ELP4: variants seen among roughly 807,000 people sequenced by gnomAD.
The protein encoded by ELP4 is elongator complex protein 4.
Under a neutral mutation model 48.9 loss-of-function variants are expected in ELP4, and 51 were observed. The ratio of observed to expected loss-of-function variants is 1.04; its 90% confidence interval spans 0.83 to 1.32. ELP4 has a LOEUF of 1.32. Ranked by LOEUF, ELP4 falls within the 40% of genes most tolerant of loss-of-function variation. ELP4 has a pLI of 0.00. For missense variants in ELP4, 519 were observed against 514.6 expected (o/e 1.01, Z -0.08); for synonymous variants, 210 against 189.2 (o/e 1.11, Z -0.90).
Position 31,785,532 on chromosome 11 carries a change from TATAAA to T in ELP4, c.*2010_*2014del, listed in dbSNP as rs1360933283. ...TGCATATTTGAACCCTTATTTTAAATATAAAAGAAACTTTTCAAACTCAGTAAAAG... is the reference window on the plus strand; with the variant it reads ...TGCATATTTGAACCCTTATTTTAAATAGAAACTTTTCAAACTCAGTAAAAG... On this transcript the variant is annotated 3_prime_UTR_variant, in exon 10 of 10. Transcript: ENST00000640961. 4 of 190,996 alleles carry T rather than the reference TATAAA, an allele frequency of 2.1e-5. No homozygotes were observed. The highest frequency in any genetic ancestry group is 9.3e-5 in the African/African-American group (4 of 43,010). The allele number at this position is 190,996 out of a possible 1,614,324, so 11.8% of individuals were successfully genotyped here.
rs528522313 is a variant in ELP4 at position 31,650,543 on chromosome 11, C to T, written c.1143+322C>T. 24 of 204,856 alleles carry T rather than the reference C, an allele frequency of 1.2e-4. 1 individual carries two copies. The South Asian group carries it at 2.6e-3, about 22-fold the overall frequency. 12.7% of individuals were successfully genotyped at this position (204,856 alleles called of 1,614,324 possible). On this transcript the variant is annotated intron_variant, in intron 9 of 9. Transcript: ENST00000640961. ...TATTTAATTAAGTGTTAATGAGCTG[C>T]GCTTACTTGGGTGTGGAATGTGAAT... is the stretch of plus-strand genomic sequence containing the variant.
At chr11:31,570,721 A>C (rs1439138079) in intron 3 of ELP4, among the ~76,000 whole-genome samples, 4 of 134,840 alleles carry the variant, frequency 3.0e-5, no homozygotes, top group Admixed American at 7.8e-5. Context: ...CAAGTGATCC[A>C]CTCGCCTCGG....
chr11:31,607,601 A>T (rs182387616), intron 5 of ELP4, among the ~76,000 whole-genome samples: 108 of 152,306 alleles, frequency 7.1e-4, no homozygotes, highest in African/African-American at 2.5e-3. Context: ...ATACTATCAC[A>T]TTGACAACAC....
At chr11:31,746,236 T>C (rs1479772433) in intron 9 of ELP4, among the ~76,000 whole-genome samples, 3 of 150,852 alleles carry the variant, frequency 2.0e-5, no homozygotes, top group African/African-American at 7.5e-5. Context: ...AGTCAGGAAA[T>C]AACAGGTGTT....
chr11:31,609,761 A>G (rs1365825439), intron 5 of ELP4, among the ~76,000 whole-genome samples: 1 of 152,154 alleles, frequency 6.6e-6, no homozygotes, highest in Non-Finnish European at 1.5e-5. Context: ...GATTACAAGC[A>G]TGAGTCATGC....
chr11:31,553,934 A>G (rs1007097715), intron 3 of ELP4, among the ~76,000 whole-genome samples: 4 of 152,174 alleles, frequency 2.6e-5, no homozygotes, highest in Non-Finnish European at 5.9e-5. Context: ...GCTGCTCCCC[A>G]TTGCTTGTAT....
At chr11:31,747,285 C>T (rs1947616927) in intron 9 of ELP4, among the ~76,000 whole-genome samples, 1 of 151,984 alleles carries the variant, frequency 6.6e-6, no homozygotes, top group South Asian at 2.1e-4. Context: ...GATCTGGGGC[C>T]AAGTGGAGGC....
At chr11:31,626,319 C>T (rs1944743066) in intron 5 of ELP4, among the ~76,000 whole-genome samples, 3 of 151,764 alleles carry the variant, frequency 2.0e-5, no homozygotes, top group African/African-American at 7.2e-5. Context: ...CAGCATTAGG[C>T]ACTTCAATGT....
chr11:31,721,374 A>C (rs1005787761), intron 9 of ELP4, among the ~76,000 whole-genome samples: 14 of 152,226 alleles, frequency 9.2e-5, no homozygotes, highest in Admixed American at 9.2e-4. Flanking sequence ...CATTAAAAGA[A>C]ACAGAAAATT....
chr11:31,739,901 T>C (rs1947408484), intron 9 of ELP4, among the ~76,000 whole-genome samples: 1 of 152,232 alleles, frequency 6.6e-6, no homozygotes, highest in African/African-American at 2.4e-5. Flanking sequence ...TATTTACTCA[T>C]AGAGTCCCCA....
chr11:31,667,498 A>G (rs202117799), intron 9 of ELP4, among the ~76,000 whole-genome samples: 1 of 152,182 alleles, frequency 6.6e-6, no homozygotes, highest in South Asian at 2.1e-4. Flanking sequence ...TGGATGTAAC[A>G]TAATTTATTT....
chr11:31,682,461 C>T (rs1378396502), intron 9 of ELP4, among the ~76,000 whole-genome samples: 1 of 152,184 alleles, frequency 6.6e-6, no homozygotes, highest in African/African-American at 2.4e-5. Flanking sequence ...TCAAATCTCA[C>T]CTGCTCCCTG....
In ELP4 at chr11:31,586,878, G is replaced by A. The variant is rs546549331; in HGVS notation, c.382-7892G>A. Among the ~76,000 whole-genome samples the A allele has an allele frequency of 1.6e-4, 25 of 152,216 alleles. No homozygotes were observed. In the South Asian group the frequency reaches 4.8e-3, roughly 29 times the overall value. ...GCTGGTCTCAATCTCCTGACCTCGT[G>A]ATCCACTTGCCTCGGCCTCCCAAAG... On this transcript the variant is annotated intron_variant, in intron 3 of 9. Transcript: ENST00000640961.
In ELP4 at chr11:31,787,155, T is replaced by TA. The variant is rs1948708183; in HGVS notation, c.*3632dup. The TA allele has an allele frequency of 4.3e-6, 1 of 232,570 alleles. No homozygotes were observed. The allele number at this position is 232,570 out of a possible 1,614,324, so 14.4% of individuals were successfully genotyped here. A position where few individuals can be genotyped will look rare whatever the true frequency, so the allele number is the denominator to read the frequency against. On this transcript the variant is annotated 3_prime_UTR_variant, in exon 10 of 10. Coordinates refer to ENST00000640961, the MANE Select transcript of ELP4 (RefSeq NM_019040.5). ...TGTTTGGAAGGACAGCTCATGTCCC[T>TA]AGGGTGTGGGCAGAAGGCAAGGCAG...
Position 31,647,830 on chromosome 11 carries a change from A to G in ELP4, c.1017A>G (p.Pro339=), listed in dbSNP as rs759777429. 2.3e-5 allele frequency: 37 copies of G among 1,595,954 alleles called. No individual in the cohort carries two copies. The highest frequency in any genetic ancestry group is 3.0e-5 in the Non-Finnish European group (35 of 1,164,580). The change falls in exon 8 of 10, where the codon CCA becomes CCG. Residue 339 remains proline, a synonymous_variant. Coordinates refer to ENST00000640961, the MANE Select transcript of ELP4 (RefSeq NM_019040.5). ...TTGGTTCTGAGAGAGAAACTAACCC[A>G]TTGTATAAGGATTATCATGGTAAGT... is the stretch of plus-strand genomic sequence containing the variant. ...SFIGSERETN[P]LYKDYHGLIH...
Position 31,789,172 on chromosome 11 carries a change from G to T in ELP4, c.*5648G>T, listed in dbSNP as rs996729268. 37 of 205,350 alleles carry T rather than the reference G, an allele frequency of 1.8e-4. No homozygotes were observed. Among genetic ancestry groups the T allele is most frequent in the Non-Finnish European group, 8.0e-5 (8 of 100,276 alleles). The allele number at this position is 205,350 out of a possible 1,614,324, so 12.7% of individuals were successfully genotyped here. A position where few individuals can be genotyped will look rare whatever the true frequency, so the allele number is the denominator to read the frequency against. Reference sequence around the variant, plus strand: ...GAAACGTATGATTGCATGAAAATGTGTATAAAACATCTATATTCTTGTCAA... The same window carrying T: ...GAAACGTATGATTGCATGAAAATGTTTATAAAACATCTATATTCTTGTCAA... On this transcript the variant is annotated 3_prime_UTR_variant, in exon 10 of 10. Transcript: ENST00000640961.
At chr11:31,551,177 A>C (rs1354918998) in intron 3 of ELP4, among the ~76,000 whole-genome samples, 1 of 152,134 alleles carries the variant, frequency 6.6e-6, no homozygotes, top group Non-Finnish European at 1.5e-5. Flanking sequence ...ACCAATTGAA[A>C]TGTCTGTGGT....
At chr11:31,710,415 A>G (rs967525453) in intron 9 of ELP4, among the ~76,000 whole-genome samples, 3 of 152,214 alleles carry the variant, frequency 2.0e-5, no homozygotes, top group African/African-American at 7.2e-5. Context: ...ACTTGAGGCC[A>G]GGAGTTCAAG....
In ELP4 at chr11:31,623,668, A is replaced by G. The variant is rs1434074534; in HGVS notation, c.654-3442A>G. On this transcript the variant is annotated intron_variant, in intron 5 of 9. Transcript: ENST00000640961. The stretch of plus-strand genomic sequence containing the variant: ...TTGACTTGTTTTATGTCAGGGTTAA[A>G]TAAGAAATTAAGAAGTATTGGCTTT... Among the ~76,000 whole-genome samples, 51 of 150,946 alleles carry G rather than the reference A, an allele frequency of 3.4e-4. No individual in the cohort carries two copies. In the Admixed American group the frequency reaches 3.4e-3, roughly 10 times the overall value.
Sources: gnomAD v4.1 joint callset for allele counts (sites outside exome capture counted in the v4.1 genomes callset) on GRCh38, gnomAD v4.1.1 for gene constraint, MANE v1.5 for transcripts, NCBI Gene and HGNC (gene_info 2026-07-23, HGNC 2026-07-21) for gene names.